CHCHD6: variants seen among roughly 807,000 people sequenced by gnomAD.
CHCHD6 encodes the protein MICOS complex subunit MIC25.
Under a neutral mutation model 32.3 loss-of-function variants are expected in CHCHD6, and 28 were observed. The ratio of observed to expected loss-of-function variants is 0.87; its 90% CI spans 0.64 to 1.19. CHCHD6 has a LOEUF of 1.19. Among genes scored for constraint, CHCHD6 ranks in the 50% most tolerant of loss-of-function variants. The probability of loss-of-function intolerance (pLI) is 0.00; values close to 1 mark genes in which losing one functional copy is unlikely to be tolerated. For missense variants in CHCHD6, 333 were observed against 307.0 expected (o/e 1.08, Z -0.63); for synonymous variants, 122 against 117.5 (o/e 1.04, Z -0.25).
At chr3:126,777,448 C>T (rs192209443) in intron 4 of CHCHD6, among the ~76,000 whole-genome samples, 9 of 152,294 alleles carry the variant, frequency 5.9e-5, no homozygotes, top group Admixed American at 5.2e-4. Context: ...GAAATAGCCG[C>T]TTGTGTTTTG....
chr3:126,767,739 C>T (rs1043098324), intron 4 of CHCHD6, among the ~76,000 whole-genome samples: 5 of 152,088 alleles, frequency 3.3e-5, no homozygotes, highest in Admixed American at 6.5e-5. Context: ...TGATTCTCTC[C>T]GTCTTCCTAC....
intron 5 of CHCHD6, among the ~76,000 whole-genome samples, chr3:126,882,653 G>T (rs1307406119): frequency 2.0e-5 from 3 of 152,190 alleles, no homozygotes; most frequent in African/African-American, 7.2e-5. Context: ...TGTGAAGGAA[G>T]CAAAGTTACC....
chr3:126,833,041 A>G (rs962653765), intron 4 of CHCHD6, among the ~76,000 whole-genome samples: 1 of 152,246 alleles, frequency 6.6e-6, no homozygotes, highest in Non-Finnish European at 1.5e-5. Flanking sequence ...AATGAGGCAC[A>G]TAGTGACACA....
At chr3:126,835,537 G>T (rs541452311) in intron 4 of CHCHD6, among the ~76,000 whole-genome samples, 2 of 152,034 alleles carry the variant, frequency 1.3e-5, no homozygotes, top group Non-Finnish European at 2.9e-5. Flanking sequence ...GGCCGGCTCT[G>T]CTCAGTTCAT....
At chr3:126,908,843 T>G (rs1462554889) in intron 5 of CHCHD6, among the ~76,000 whole-genome samples, 1 of 152,238 alleles carries the variant, frequency 6.6e-6, no homozygotes, top group African/African-American at 2.4e-5. Context: ...GAAAGGAGGT[T>G]CTGTCATTGT....
In CHCHD6 at chr3:126,907,282, A is replaced by AAG. The variant is rs2078021229; in HGVS notation, c.496-7395_496-7394dup. Among the ~76,000 whole-genome samples the AAG allele has an allele frequency of 2.0e-5, 3 of 152,164 alleles. No homozygotes were observed. In the South Asian group the frequency reaches 6.2e-4, roughly 32 times the overall value. ...GGGGTAAGTGAAGAACAAGACAGGA[A>AAG]AGAGGGGTCTCCCTCTCCAGATGAC... On this transcript the variant is annotated intron_variant, in intron 5 of 7. Transcript: ENST00000290913.
intron 4 of CHCHD6, among the ~76,000 whole-genome samples, chr3:126,803,629 C>T (rs1406448917): frequency 2.2e-4 from 33 of 152,168 alleles, no homozygotes; most frequent in Admixed American, 2.2e-3. Flanking sequence ...GACTTTAACA[C>T]CCCACTGTCA....
intron 5 of CHCHD6, among the ~76,000 whole-genome samples, chr3:126,909,630 C>T (rs1223455790): frequency 6.6e-6 from 1 of 152,194 alleles, no homozygotes; most frequent in Non-Finnish European, 1.5e-5. Flanking sequence ...GGTCAGGCCT[C>T]CTGCTTTCAG....
chr3:126,819,179 T>C (rs1367293360), intron 4 of CHCHD6, among the ~76,000 whole-genome samples: 1 of 152,170 alleles, frequency 6.6e-6, no homozygotes, highest in Admixed American at 6.5e-5. Flanking sequence ...TTCTGGCTTT[T>C]TTTCCAGATT....
intron 5 of CHCHD6, chr3:126,865,663 C>T: frequency 1.0e-6 from 1 of 985,352 alleles, no homozygotes; most frequent in East Asian, 1.1e-4. Context: ...ACTATTATCA[C>T]CTCCCTCACT....
chr3:126,786,325 T>C (rs992218310), intron 4 of CHCHD6, among the ~76,000 whole-genome samples: 1 of 152,230 alleles, frequency 6.6e-6, no homozygotes, highest in African/African-American at 2.4e-5. Flanking sequence ...TGATTTATAG[T>C]CCTTTGGGTA....
At chr3:126,853,932 G>C (rs1941564517) in intron 5 of CHCHD6, among the ~76,000 whole-genome samples, 1 of 152,164 alleles carries the variant, frequency 6.6e-6, no homozygotes, top group Non-Finnish European at 1.5e-5. Context: ...ATAGGCACAG[G>C]GTTTTGGTTT....
chr3:126,776,680 C>T (rs560978761), intron 4 of CHCHD6, among the ~76,000 whole-genome samples: 7 of 152,166 alleles, frequency 4.6e-5, no homozygotes, highest in Non-Finnish European at 1.0e-4. Flanking sequence ...ATTCTCATAT[C>T]AACTCTGAGT....
intron 5 of CHCHD6, among the ~76,000 whole-genome samples, chr3:126,894,245 G>C (rs529272890): frequency 1.3e-5 from 2 of 152,340 alleles, no homozygotes; most frequent in South Asian, 4.1e-4. Flanking sequence ...AAGAAGTGAC[G>C]TGCTGCCCCT....
rs2078113586 is a variant in CHCHD6, at chr3:126,912,935, T to G, written c.496-1745T>G. Among the ~76,000 whole-genome samples, 4 of 144,292 alleles carry G rather than the reference T, an allele frequency of 2.8e-5. No individual in the cohort carries two copies. The South Asian group carries it at 9.4e-4, about 34-fold the overall frequency. The allele number at this position is 144,292 out of a possible 152,430, so 94.7% of individuals were successfully genotyped here. ...CCTGCAGAAGGCCGAGGGGGGTCCGTGGTGCACAGGAAGTGCTTTCCCTGG... is the reference window on the plus strand; with the variant it reads ...CCTGCAGAAGGCCGAGGGGGGTCCGGGGTGCACAGGAAGTGCTTTCCCTGG... On this transcript the variant is annotated intron_variant, in intron 5 of 7. Transcript: ENST00000290913.
At chr3:126,921,621 ATTGAG>A (rs1473403243) in intron 6 of CHCHD6, among the ~76,000 whole-genome samples, 2 of 152,174 alleles carry the variant, frequency 1.3e-5, no homozygotes, top group Non-Finnish European at 2.9e-5. Context: ...GGTTAGAACA[ATTGAG>A]TTGAAGGAAG....
intron 4 of CHCHD6, among the ~76,000 whole-genome samples, chr3:126,851,592 T>TGG: frequency 1.3e-5 from 2 of 152,238 alleles, no homozygotes; most frequent in African/African-American, 2.4e-5. Context: ...CCCAGGCCCC[T>TGG]GTGACTGTCT....
At chr3:126,892,519 C>T (rs910561552) in intron 5 of CHCHD6, among the ~76,000 whole-genome samples, 14 of 152,180 alleles carry the variant, frequency 9.2e-5, no homozygotes, top group African/African-American at 3.4e-4. Context: ...GCTGCTTCAG[C>T]GTTGGGCACC....
chr3:126,756,485 CA>C, intron 4 of CHCHD6, among the ~76,000 whole-genome samples: 1 of 152,224 alleles, frequency 6.6e-6, no homozygotes, highest in Non-Finnish European at 1.5e-5. Context: ...TGCTGTAAGG[CA>C]GGGGGGAAGT....
Sources: gnomAD v4.1 joint callset for allele counts (sites outside exome capture counted in the v4.1 genomes callset) on GRCh38, gnomAD v4.1.1 for gene constraint, MANE v1.5 for transcripts, NCBI Gene and HGNC (gene_info 2026-07-23, HGNC 2026-07-21) for gene names.